Variants in PDGFB observed in about 807,000 individuals in gnomAD.
PDGFB encodes platelet derived growth factor subunit B, also known as platelet-derived growth factor subunit B.
PDGFB carries 6 observed loss-of-function variants against 29.0 expected under a neutral mutation model. That is an observed-to-expected ratio of 0.21 (90% confidence interval 0.11 to 0.41). The LOEUF (loss-of-function observed/expected upper bound fraction) is 0.41, where lower values mean the gene tolerates loss of function less well. PDGFB is among the 10% of genes least tolerant of loss of function. PDGFB has a pLI of 1.00. For synonymous variants in PDGFB, 144 were observed against 140.8 expected (o/e 1.02, Z -0.16); for missense variants, 299 against 341.8 (o/e 0.87, Z 0.99).
intron 2 of PDGFB, among the ~76,000 whole-genome samples, chr22:39,234,438 A>G (rs1932391241): frequency 6.6e-6 from 1 of 152,148 alleles, no homozygotes. Flanking sequence ...AGGAGCCACA[A>G]ATAAACTAAG....
At position 39,224,272 on chromosome 22, in the gene PDGFB, T is replaced by C. The variant is rs535741666; in HGVS notation, c.*1070A>G. On this transcript the variant is annotated 3_prime_UTR_variant, in exon 7 of 7. Transcript: ENST00000331163. ...CCTCTTTACCTACATCTGCCAGAAA[T>C]TGTCATAATAAATATACAAATCAGC... The C allele has an allele frequency of 1.3e-5, 2 of 152,286 alleles. No individual in the cohort carries two copies. The highest frequency in any genetic ancestry group is 2.4e-5 in the African/African-American group (1 of 41,546). The allele number at this position is 152,286 out of a possible 1,614,324, so 9.4% of individuals were successfully genotyped here.
chr22:39,226,456 C>T (rs560933843), intron 5 of PDGFB, among the ~76,000 whole-genome samples: 13 of 152,070 alleles, frequency 8.5e-5, no homozygotes, highest in African/African-American at 2.7e-4. Context: ...CCCTGGACTA[C>T]AGGGAGAGGA....
chr22:39,237,605 G>A (rs1024756552), intron 1 of PDGFB, among the ~76,000 whole-genome samples: 1 of 152,200 alleles, frequency 6.6e-6, no homozygotes, highest in Non-Finnish European at 1.5e-5. Context: ...CCTCAGAAGA[G>A]AGACCACGCC....
intron 5 of PDGFB, among the ~76,000 whole-genome samples, chr22:39,228,639 A>G (rs1932222426): frequency 6.6e-6 from 1 of 152,188 alleles, no homozygotes; most frequent in Non-Finnish European, 1.5e-5. Flanking sequence ...CTGTAATCCC[A>G]GCACTTTGGG....
rs1450758842 is a variant in PDGFB, at chr22:39,242,132, G to A, written c.63+1769C>T. On this transcript the variant is annotated intron_variant, in intron 1 of 6. Transcript: ENST00000331163. This position sits in a 1 kb window ranked among gnomAD's most constrained non-coding sequence, Gnocchi z 5.7. The stretch of plus-strand genomic sequence containing the variant: ...CGTGTGCTCAGGCCGCGCGTGCAGG[G>A]GCCGTGCGTGCGTTTGTGTGCGGTG... 8.9e-6 allele frequency: 2 copies of A among 225,120 alleles called. No homozygotes were observed. The highest frequency in any genetic ancestry group is 8.9e-6 in the Non-Finnish European group (1 of 112,634). 13.9% of individuals were successfully genotyped at this position (225,120 alleles called of 1,614,324 possible). A position where few individuals can be genotyped will look rare whatever the true frequency, so the allele number is the denominator to read the frequency against.
In PDGFB at chr22:39,243,645, C is replaced by A. The variant is rs1200378871; in HGVS notation, c.63+256G>T. Among the ~76,000 whole-genome samples the A allele has an allele frequency of 6.6e-6, 1 of 152,122 alleles. No individual in the cohort carries two copies. The highest frequency in any genetic ancestry group is 2.4e-5 in the African/African-American group (1 of 41,442). ...AAAGGGTGGGGGACAGGGCCACACA[C>A]ACCCTCCCCCGACACGGAACGGCTT... is the stretch of plus-strand genomic sequence containing the variant. On this transcript the variant is annotated intron_variant, in intron 1 of 6. Coordinates refer to ENST00000331163, the MANE Select transcript of PDGFB (RefSeq NM_002608.4). This position sits in a 1 kb window ranked among gnomAD's most constrained non-coding sequence, Gnocchi z 6.4.
At chr22:39,230,809 G>A (rs1374850129) in intron 4 of PDGFB, among the ~76,000 whole-genome samples, 2 of 152,246 alleles carry the variant, frequency 1.3e-5, no homozygotes, top group African/African-American at 2.4e-5. Context: ...GTGCGGCTAA[G>A]CAGGCAGAGC....
chr22:39,231,584 A>C lies in PDGFB; in HGVS notation c.456+38T>G. The stretch of plus-strand genomic sequence containing the variant: ...CCCAGAAGGGTGGTCTCCACCCACC[A>C]CCGGGACCAGCCTCGGGGGGCCGCG... On this transcript the variant is annotated intron_variant, in intron 4 of 6. Transcript: ENST00000331163. This position sits in a 1 kb window ranked among gnomAD's most constrained non-coding sequence, Gnocchi z 4.3. 6.8e-7 allele frequency: 1 copy of C among 1,471,450 alleles called. No homozygotes were observed. The highest frequency in any genetic ancestry group is 1.3e-5 in the South Asian group (1 of 78,370). The allele number at this position is 1,471,450 out of a possible 1,614,324, so 91.1% of individuals were successfully genotyped here.
Position 39,231,028 on chromosome 22 carries a change from T to G in PDGFB, c.456+594A>C, listed in dbSNP as rs893186975. ...GTCCAGTGTATGTATCCCCCGTCCC[T>G]CCGAAGAAAAGCAGGATCAGCATTC... On this transcript the variant is annotated intron_variant, in intron 4 of 6. Transcript: ENST00000331163. The surrounding 1 kb of genome is among the most constrained non-coding windows in gnomAD (Gnocchi z 4.3). 1.3e-5 allele frequency among the ~76,000 whole-genome samples: 2 copies of G among 152,198 alleles called. No individual in the cohort carries two copies. Among genetic ancestry groups the G allele is most frequent in the African/African-American group, 2.4e-5 (1 of 41,450 alleles).
chr22:39,234,174 T>C (rs558416334), intron 2 of PDGFB, among the ~76,000 whole-genome samples: 98 of 152,308 alleles, frequency 6.4e-4, no homozygotes, highest in African/African-American at 2.3e-3. Flanking sequence ...TATCTGTATC[T>C]GTGTCTGTCT....
intron 4 of PDGFB, among the ~76,000 whole-genome samples, chr22:39,230,730 C>T (rs1361289019): frequency 6.6e-6 from 1 of 152,148 alleles, no homozygotes; most frequent in Non-Finnish European, 1.5e-5. Context: ...TAGTCTCAGG[C>T]GTGGGGCCCA....
intron 1 of PDGFB, among the ~76,000 whole-genome samples, chr22:39,238,001 G>C (rs1033451598): frequency 6.6e-6 from 1 of 152,166 alleles, no homozygotes; most frequent in African/African-American, 2.4e-5. Flanking sequence ...GGGCCCAAAG[G>C]CCTAGTAGCA....
At position 39,243,204 on chromosome 22, in the gene PDGFB, A is replaced by G. The variant is rs899646807; in HGVS notation, c.63+697T>C. Among the ~76,000 whole-genome samples the G allele has an allele frequency of 2.0e-5, 3 of 150,944 alleles. No individual in the cohort carries two copies. Among genetic ancestry groups the G allele is most frequent in the Non-Finnish European group, 3.0e-5 (2 of 67,728 alleles). On this transcript the variant is annotated intron_variant, in intron 1 of 6. Coordinates refer to ENST00000331163, the MANE Select transcript of PDGFB (RefSeq NM_002608.4). The surrounding 1 kb of genome is among the most constrained non-coding windows in gnomAD (Gnocchi z 6.4). ...CCCCCTACCCGAGTGCCCGAAACCT[A>G]CCTGCGTCTCTATCTTTCTCTCCCT...
Position 39,244,322 on chromosome 22 carries a change from G to A in PDGFB, c.-359C>T, listed in dbSNP as rs373977509. ...GGGACTCCAACCTCCAAGAGGAAAA[G>A]GAACACGGCAGTCGATGGTTCGTCT... On this transcript the variant is annotated 5_prime_UTR_variant, in exon 1 of 7. Transcript: ENST00000331163. The surrounding 1 kb of genome is among the most constrained non-coding windows in gnomAD (Gnocchi z 4.5). The A allele has an allele frequency of 5.4e-5, 11 of 205,420 alleles. No individual in the cohort carries two copies. In the South Asian group the frequency reaches 1.9e-3, roughly 35 times the overall value. 12.7% of individuals were successfully genotyped at this position (205,420 alleles called of 1,614,324 possible). A position where few individuals can be genotyped will look rare whatever the true frequency, so the allele number is the denominator to read the frequency against.
chr22:39,235,290 G>A (rs1488087291), intron 2 of PDGFB, among the ~76,000 whole-genome samples: 10 of 152,288 alleles, frequency 6.6e-5, no homozygotes, highest in Non-Finnish European at 8.8e-5. Flanking sequence ...AATCCAGCCC[G>A]CCAGCCCCGC....
At chr22:39,225,876 G>C in intron 5 of PDGFB, 29 bp from the exon 6 acceptor site, 1 of 1,600,378 alleles carries the variant, frequency 6.2e-7, no homozygotes, top group Non-Finnish European at 8.5e-7. Context: ...GACCTCGTCA[G>C]CATGTGGACC....
chr22:39,231,858 G>A lies in PDGFB; in HGVS notation c.251-31C>T, dbSNP rs771278236. 8.8e-6 allele frequency: 14 copies of A among 1,589,946 alleles called. No individual in the cohort carries two copies. The East Asian group carries it at 9.0e-5, about 10-fold the overall frequency. ...AGGAGACGAAACCTGGGTCAGGAGC[G>A]TAGGCCTGTCCAGAGTCCCCCCACT... On this transcript the variant is annotated intron_variant, in intron 3 of 6. Transcript: ENST00000331163. This position sits in a 1 kb window ranked among gnomAD's most constrained non-coding sequence, Gnocchi z 4.3.
At chr22:39,235,214 G>A (rs1039817451) in intron 2 of PDGFB, among the ~76,000 whole-genome samples, 1 of 152,216 alleles carries the variant, frequency 6.6e-6, no homozygotes, top group African/African-American at 2.4e-5. Flanking sequence ...AGGGCTCCAG[G>A]GAACAGGCCA....
chr22:39,227,978 C>T (rs1932206262), intron 5 of PDGFB, among the ~76,000 whole-genome samples: 1 of 152,176 alleles, frequency 6.6e-6, no homozygotes, highest in South Asian at 2.1e-4. Context: ...GGAGTTTCTT[C>T]CCCAGAGCCT....
Sources: gnomAD v4.1 joint callset for allele counts (sites outside exome capture counted in the v4.1 genomes callset) on GRCh38, gnomAD v4.1.1 for gene constraint, Gnocchi (gnomAD v3.1) non-coding constraint, MANE v1.5 for transcripts, NCBI Gene and HGNC (gene_info 2026-07-23, HGNC 2026-07-21) for gene names.